Variants in RCL1 observed in about 807,000 individuals in gnomAD.
RCL1 encodes RNA 3'-terminal phosphate cyclase-like protein.
In RCL1, 24 loss-of-function variants were observed where a neutral mutation model predicts 42.4. That is an observed-to-expected ratio of 0.57 (90% CI 0.41 to 0.80). The LOEUF (loss-of-function observed/expected upper bound fraction) is 0.80, where lower values mean the gene tolerates loss of function less well. Ranked by LOEUF, RCL1 falls within the 30% of genes least tolerant of loss-of-function variation. The pLI is 0.00. For missense variants in RCL1, 578 were observed against 467.9 expected, an observed-to-expected ratio of 1.24 and a Z score of -2.17; for synonymous variants, 228 against 177.3, an observed-to-expected ratio of 1.29 and a Z score of -2.27.
chr9:4,822,041 C>T (rs182826510), intron 1 of RCL1, among the ~76,000 whole-genome samples: 1 of 152,350 alleles, frequency 6.6e-6, no homozygotes, highest in Non-Finnish European at 1.5e-5. Flanking sequence ...GGAAAGTAAG[C>T]ATGCAACACA....
At chr9:4,847,198 G>T (rs552450963) in intron 7 of RCL1, among the ~76,000 whole-genome samples, 10 of 152,144 alleles carry the variant, frequency 6.6e-5, no homozygotes, top group Admixed American at 5.9e-4. Flanking sequence ...CTTTAGTTGA[G>T]ATCTACTTTC....
At chr9:4,813,228 C>G (rs971762103) in intron 1 of RCL1, among the ~76,000 whole-genome samples, 3 of 152,172 alleles carry the variant, frequency 2.0e-5, no homozygotes, top group Admixed American at 1.3e-4. Flanking sequence ...GCAAAAGAAA[C>G]TACCATCAGA....
intron 1 of RCL1, among the ~76,000 whole-genome samples, chr9:4,808,860 A>G (rs774548192): frequency 4.6e-5 from 7 of 152,192 alleles, no homozygotes; most frequent in Non-Finnish European, 8.8e-5. Context: ...GAAGTTTTTG[A>G]TTTCATTTTT....
chr9:4,853,543 G>A (rs1470586968), intron 8 of RCL1, among the ~76,000 whole-genome samples: 1 of 151,930 alleles, frequency 6.6e-6, no homozygotes, highest in Non-Finnish European at 1.5e-5. Flanking sequence ...GGATGATCTC[G>A]ATCTCCTGAC....
chr9:4,843,836 A>G (rs901427001), intron 6 of RCL1, among the ~76,000 whole-genome samples: 2 of 152,148 alleles, frequency 1.3e-5, no homozygotes, highest in African/African-American at 2.4e-5. Context: ...GGTGACTCAA[A>G]GGCAATTTGG....
intron 1 of RCL1, among the ~76,000 whole-genome samples, chr9:4,810,418 G>A (rs1018394542): frequency 7.2e-5 from 11 of 152,168 alleles, no homozygotes; most frequent in Non-Finnish European, 1.6e-4. Flanking sequence ...TATAATTTTT[G>A]TAAATGGAAT....
intron 8 of RCL1, among the ~76,000 whole-genome samples, chr9:4,853,180 A>T (rs1306587136): frequency 1.3e-5 from 2 of 152,074 alleles, no homozygotes; most frequent in African/African-American, 4.8e-5. Context: ...CAAAAAAGGC[A>T]AGTACTATCA....
At chr9:4,795,116 C>T (rs1395703756) in intron 1 of RCL1, among the ~76,000 whole-genome samples, 5 of 151,920 alleles carry the variant, frequency 3.3e-5, no homozygotes, top group Admixed American at 6.6e-5. Flanking sequence ...CTTACTCTGT[C>T]TCCCAGGCTG....
chr9:4,828,577 A>G (rs1816846362), intron 3 of RCL1, among the ~76,000 whole-genome samples: 1 of 148,200 alleles, frequency 6.7e-6, no homozygotes, highest in Non-Finnish European at 1.5e-5. Flanking sequence ...CTAGAAGACT[A>G]TAGGAAATGA....
intron 1 of RCL1, among the ~76,000 whole-genome samples, chr9:4,797,248 TGCCTG>T (rs1842927558): frequency 6.6e-6 from 1 of 152,252 alleles, no homozygotes. Flanking sequence ...TACTGAACAG[TGCCTG>T]GCACATAGGA....
chr9:4,852,754 C>T (rs949745199), intron 8 of RCL1, among the ~76,000 whole-genome samples: 2 of 140,568 alleles, frequency 1.4e-5, no homozygotes, highest in Non-Finnish European at 3.1e-5. Flanking sequence ...GCAGTCCAGT[C>T]CCTTGGTCAG....
intron 8 of RCL1, among the ~76,000 whole-genome samples, chr9:4,852,552 G>A (rs569149140): frequency 3.9e-5 from 6 of 152,168 alleles, no homozygotes; most frequent in Non-Finnish European, 7.3e-5. Context: ...CCAGGAGACC[G>A]TGGAAATGGT....
chr9:4,830,919 A>G (rs1816922578), intron 3 of RCL1, among the ~76,000 whole-genome samples: 1 of 152,168 alleles, frequency 6.6e-6, no homozygotes, highest in South Asian at 2.1e-4. Flanking sequence ...CTCTGACCGC[A>G]GAGTGGACCG....
intron 1 of RCL1, chr9:4,804,147 G>C (rs890409800): frequency 6.5e-6 from 1 of 152,708 alleles, no homozygotes; most frequent in African/African-American, 2.4e-5. Context: ...CGGGCAGGAA[G>C]AGTGGGAAGT....
At chr9:4,809,466 C>T (rs1252033362) in intron 1 of RCL1, among the ~76,000 whole-genome samples, 1 of 151,890 alleles carries the variant, frequency 6.6e-6, no homozygotes. Flanking sequence ...TGTGCCACCA[C>T]ACCCGGCTAA....
intron 1 of RCL1, among the ~76,000 whole-genome samples, chr9:4,798,402 G>A (rs919382030): frequency 6.6e-6 from 1 of 152,228 alleles, no homozygotes; most frequent in Non-Finnish European, 1.5e-5. Context: ...CTACTACCCA[G>A]GATCCTGAGC....
chr9:4,806,042 G>GTGTT (rs1211068294), intron 1 of RCL1, among the ~76,000 whole-genome samples: 1 of 99,354 alleles, frequency 1.0e-5, no homozygotes, highest in African/African-American at 3.2e-5. Context: ...GTGTGTGTGT[G>GTGTT]TGTTTGTGTG....
chr9:4,810,837 A>T (rs1029629048), intron 1 of RCL1, among the ~76,000 whole-genome samples: 1 of 152,170 alleles, frequency 6.6e-6, no homozygotes, highest in Admixed American at 6.5e-5. Context: ...GTAGTCATTC[A>T]TTGTGGTTTT....
intron 8 of RCL1, among the ~76,000 whole-genome samples, chr9:4,857,771 C>G (rs533317178): frequency 1.2e-4 from 18 of 152,098 alleles, no homozygotes; most frequent in Admixed American, 1.1e-3. Flanking sequence ...CTCACCCACA[C>G]TTTTGTTATT....
Sources: allele counts gnomAD v4.1 joint callset (sites outside exome capture counted in the v4.1 genomes callset), GRCh38; gene constraint gnomAD v4.1.1; transcripts MANE v1.5; gene names NCBI Gene and HGNC (gene_info 2026-07-23, HGNC 2026-07-21).